Variants in MTUS2 observed in about 807,000 individuals in gnomAD.
The protein encoded by MTUS2 is microtubule-associated tumor suppressor candidate 2.
A neutral mutation model predicts 114.1 loss-of-function variants in MTUS2; 40 were observed. The ratio of observed to expected loss-of-function variants is 0.35; its 90% CI spans 0.27 to 0.46. The LOEUF (loss-of-function observed/expected upper bound fraction) is 0.46. MTUS2 is among the 20% of genes least tolerant of loss of function. MTUS2 has a pLI of 1.00. For missense variants in MTUS2, 1,679 were observed against 1,705.4 expected (o/e 0.98, Z 0.27); for synonymous variants, 688 against 672.0 (o/e 1.02, Z -0.37).
chr13:29,174,346 A>G (rs1893683606), intron 5 of MTUS2, among the ~76,000 whole-genome samples: 1 of 152,120 alleles, frequency 6.6e-6, no homozygotes, highest in Admixed American at 6.6e-5. Context: ...ATTTCTATTT[A>G]CTGTTTTACC....
intron 9 of MTUS2, among the ~76,000 whole-genome samples, chr13:29,441,807 G>A (rs1479410374): frequency 2.6e-5 from 4 of 152,146 alleles, no homozygotes; most frequent in Non-Finnish European, 5.9e-5. Context: ...ACACATGGGA[G>A]CCATCCTCCT....
intron 8 of MTUS2, among the ~76,000 whole-genome samples, chr13:29,376,150 G>A (rs3125701): frequency 0.61 from 92,838 of 151,336 alleles, 29,508 homozygotes; most frequent in East Asian, 0.73. Context: ...GTAAATAACT[G>A]AGTAAATATA....
chr13:29,035,864 G>A (rs968785803), intron 4 of MTUS2, among the ~76,000 whole-genome samples: 1 of 152,054 alleles, frequency 6.6e-6, no homozygotes, highest in Non-Finnish European at 1.5e-5. Flanking sequence ...GAAAAACCAG[G>A]CTTGGCGTGG....
In MTUS2 at chr13:29,025,299, G is replaced by A. The variant is rs372358810; in HGVS notation, c.601G>A (p.Asp201Asn). ...GCAGCATCCACAGCCTCTATCCCTC[G>A]ACTCCCGGGAAGCACGGGGTCAGAT... ...TPQHPQPLSLDSREARGQIPG... is the reference protein window; with the variant it reads ...TPQHPQPLSLNSREARGQIPG... The change falls in exon 3 of 16, where the codon GAC becomes AAC. Residue 201 changes from aspartate (D) to asparagine (N), a missense_variant. Physicochemically the swap from Asp to Asn is conservative, Grantham distance 23. This residue lies in a region of MTUS2 where 843 missense variants were observed against 770.8 expected (regional missense o/e 1.09). Transcript: ENST00000612955. 19 of 1,613,748 alleles carry A rather than the reference G, an allele frequency of 1.2e-5. No individual in the cohort carries two copies. The African/African-American group carries it at 1.5e-4, about 12-fold the overall frequency.
chr13:28,884,335 A>C (rs1008503130), intron 2 of MTUS2, among the ~76,000 whole-genome samples: 1 of 152,196 alleles, frequency 6.6e-6, no homozygotes, highest in Non-Finnish European at 1.5e-5. Context: ...TTCTACTTAC[A>C]TGAGGTACCT....
At chr13:28,947,642 C>A (rs1882601855) in intron 2 of MTUS2, among the ~76,000 whole-genome samples, 1 of 152,188 alleles carries the variant, frequency 6.6e-6, no homozygotes, top group Non-Finnish European at 1.5e-5. Context: ...ATTGACTTCA[C>A]CCCACTCAGT....
chr13:29,378,292 AAAAAAAG>A (rs1340015989), intron 8 of MTUS2, among the ~76,000 whole-genome samples: 1 of 110,746 alleles, frequency 9.0e-6, no homozygotes, highest in Non-Finnish European at 2.2e-5. Context: ...ATAATAAATT[AAAAAAAG>A]AAAAAAGCGA....
At chr13:29,174,482 G>A (rs1893689235) in intron 5 of MTUS2, among the ~76,000 whole-genome samples, 1 of 152,140 alleles carries the variant, frequency 6.6e-6, no homozygotes, top group South Asian at 2.1e-4. Flanking sequence ...CTGAATTACG[G>A]AATTTGAAGG....
At chr13:29,227,980 C>T (rs1896176914) in intron 5 of MTUS2, among the ~76,000 whole-genome samples, 1 of 152,136 alleles carries the variant, frequency 6.6e-6, no homozygotes, top group Non-Finnish European at 1.5e-5. Context: ...TTTTTTCTTA[C>T]ATTTGTGAAT....
chr13:29,070,494 G>T (rs538376471), intron 4 of MTUS2, among the ~76,000 whole-genome samples: 1 of 152,118 alleles, frequency 6.6e-6, no homozygotes, highest in South Asian at 2.1e-4. Context: ...CACCAGTTGG[G>T]TAAATATTCT....
intron 4 of MTUS2, among the ~76,000 whole-genome samples, chr13:29,069,995 T>C (rs1888842103): frequency 6.6e-6 from 1 of 152,240 alleles, no homozygotes; most frequent in African/African-American, 2.4e-5. Context: ...CTTCCCTTCA[T>C]TATTCCAAAA....
chr13:29,180,779 ACAAG>A (rs1893966453), intron 5 of MTUS2, among the ~76,000 whole-genome samples: 1 of 152,184 alleles, frequency 6.6e-6, no homozygotes, highest in Admixed American at 6.5e-5. Flanking sequence ...TTTGGCTCTT[ACAAG>A]TGGGACAGCG....
intron 6 of MTUS2, among the ~76,000 whole-genome samples, chr13:29,292,846 G>A (rs1357936899): frequency 6.6e-6 from 1 of 152,046 alleles, no homozygotes; most frequent in African/African-American, 2.4e-5. Context: ...AGAGCTTCTT[G>A]GCTAAAGGTA....
At chr13:29,046,900 T>TA (rs1010752130) in intron 4 of MTUS2, among the ~76,000 whole-genome samples, 32 of 152,268 alleles carry the variant, frequency 2.1e-4, no homozygotes, top group Middle Eastern at 6.8e-3. Flanking sequence ...CCACCTTATC[T>TA]AAAAAAATCA....
chr13:29,364,907 C>T lies in MTUS2; in HGVS notation c.3117+5434C>T, dbSNP rs569957522. Among the ~76,000 whole-genome samples the T allele has an allele frequency of 1.1e-4, 16 of 152,294 alleles. No homozygotes were observed. The South Asian group carries it at 2.9e-3, about 28-fold the overall frequency. ...ATGCTCTGCGATTATCTTCTCTTCCCTTAATTTTATCTTGAATAACCAAAG... is the reference window on the plus strand; with the variant it reads ...ATGCTCTGCGATTATCTTCTCTTCCTTTAATTTTATCTTGAATAACCAAAG... On this transcript the variant is annotated intron_variant, in intron 8 of 15. Coordinates refer to ENST00000612955, the MANE Select transcript of MTUS2 (RefSeq NM_001033602.4).
At chr13:28,907,641 C>T (rs1880122005) in intron 2 of MTUS2, among the ~76,000 whole-genome samples, 1 of 151,250 alleles carries the variant, frequency 6.6e-6, no homozygotes, top group Non-Finnish European at 1.5e-5. Flanking sequence ...CAACAAAGAT[C>T]AAAAGAGACA....
chr13:29,084,534 CCTT>C (rs1889589813), intron 4 of MTUS2, among the ~76,000 whole-genome samples: 1 of 148,992 alleles, frequency 6.7e-6, no homozygotes, highest in African/African-American at 2.5e-5. Flanking sequence ...CCTCTCCCCC[CCTT>C]CTTTTCTTCT....
chr13:29,180,877 A>G (rs1395929185), intron 5 of MTUS2, among the ~76,000 whole-genome samples: 1 of 152,220 alleles, frequency 6.6e-6, no homozygotes, highest in African/African-American at 2.4e-5. Context: ...AATTTTCCAC[A>G]AATTGTATTC....
chr13:29,281,972 T>G, intron 6 of MTUS2, 107 bp downstream of exon 6: 1 of 1,228,108 alleles, frequency 8.1e-7, no homozygotes, highest in Non-Finnish European at 1.1e-6. Context: ...AAGGGATGAT[T>G]GATTAAATGA....
Sources: allele counts gnomAD v4.1 joint callset (sites outside exome capture counted in the v4.1 genomes callset), GRCh38; gene constraint gnomAD v4.1.1; regional missense constraint gnomAD v4.1.1; transcripts MANE v1.5; gene names NCBI Gene and HGNC (gene_info 2026-07-23, HGNC 2026-07-21).